Variants in GATA4 observed in about 807,000 individuals in gnomAD.
GATA4 encodes GATA binding protein 4, also known as transcription factor GATA-4.
In GATA4, 7 loss-of-function variants were observed where a neutral mutation model predicts 37.9. The ratio of observed to expected loss-of-function variants is 0.18; its 90% CI spans 0.11 to 0.35. The LOEUF (loss-of-function observed/expected upper bound fraction) is 0.35, where lower values mean the gene tolerates loss of function less well. Among genes scored for constraint, GATA4 ranks in the 10% least tolerant of loss-of-function variants. GATA4 has a pLI of 1.00. For missense variants in GATA4, 647 were observed against 653.0 expected (o/e 0.99, Z 0.10); for synonymous variants, 372 against 292.6 (o/e 1.27, Z -2.77).
intron 1 of GATA4, among the ~76,000 whole-genome samples, chr8:11,682,268 C>T (rs1798996846): frequency 6.6e-6 from 1 of 152,142 alleles, no homozygotes; most frequent in African/African-American, 2.4e-5. Context: ...TTTGTAGCTT[C>T]CACTAACTCT....
intron 1 of GATA4, among the ~76,000 whole-genome samples, chr8:11,686,229 T>TTA (rs397944970): frequency 6.7e-6 from 1 of 149,074 alleles, no homozygotes; most frequent in African/African-American, 2.4e-5. Flanking sequence ...TTTTTTTTTT[T>TTA]AATCTTAATG....
chr8:11,735,492 G>A (rs1231590631), intron 2 of GATA4, among the ~76,000 whole-genome samples: 2 of 152,234 alleles, frequency 1.3e-5, no homozygotes, highest in African/African-American at 2.4e-5. Flanking sequence ...CAGGAAAATT[G>A]TTAGCCACCT....
upstream of GATA4, chr8:11,700,691 G>C (rs1279786349): frequency 1.3e-5 from 2 of 152,276 alleles, no homozygotes; most frequent in African/African-American, 4.8e-5. Context: ...CGTTCTGCGC[G>C]GGTCACCTTG....
intron 2 of GATA4, among the ~76,000 whole-genome samples, chr8:11,723,411 G>T (rs1290622445): frequency 6.6e-6 from 1 of 151,960 alleles, no homozygotes; most frequent in African/African-American, 2.4e-5. Context: ...TATCCTGATT[G>T]ATGTTCAGAT....
intron 2 of GATA4, among the ~76,000 whole-genome samples, chr8:11,746,524 T>C (rs979028450): frequency 6.6e-6 from 1 of 152,212 alleles, no homozygotes; most frequent in African/African-American, 2.4e-5. Context: ...ACCCAGTGTT[T>C]ATTGCGAACA....
intron 5 of GATA4, chr8:11,756,560 C>G (rs1802578488): frequency 2.9e-6 from 1 of 349,542 alleles, no homozygotes; most frequent in Non-Finnish European, 5.5e-6. Flanking sequence ...GTATGATATT[C>G]ACGTGTTTTG....
At chr8:11,686,665 G>T (rs753898236) in intron 1 of GATA4, among the ~76,000 whole-genome samples, 2 of 152,146 alleles carry the variant, frequency 1.3e-5, no homozygotes, top group Admixed American at 6.5e-5. Context: ...ATTCTTGCAG[G>T]GGTGAGTTCC....
At chr8:11,699,546 G>A (rs1201642732), upstream of GATA4, among the ~76,000 whole-genome samples, 1 of 152,238 alleles carries the variant, frequency 6.6e-6, no homozygotes, top group African/African-American at 2.4e-5. Context: ...CAGGTCCTTG[G>A]ATGGGGAGGG....
chr8:11,704,972 C>G (rs565639357), intron 1 of GATA4, among the ~76,000 whole-genome samples: 1 of 152,374 alleles, frequency 6.6e-6, no homozygotes, highest in African/African-American at 2.4e-5. Flanking sequence ...CGAGCCCGGA[C>G]CGGAGCCGTG....
chr8:11,689,378 C>T (rs1255485313), upstream of GATA4, among the ~76,000 whole-genome samples: 3 of 152,154 alleles, frequency 2.0e-5, no homozygotes, highest in Non-Finnish European at 2.9e-5. Flanking sequence ...GTGTATATCA[C>T]TGATGATTAC....
chr8:11,756,095 C>G (rs945333980), intron 5 of GATA4, among the ~76,000 whole-genome samples: 2 of 152,128 alleles, frequency 1.3e-5, no homozygotes, highest in African/African-American at 4.8e-5. Context: ...ACATTCCTCA[C>G]TCAGTACTGC....
At chr8:11,688,153 T>G (rs1799199516), upstream of GATA4, among the ~76,000 whole-genome samples, 1 of 152,186 alleles carries the variant, frequency 6.6e-6, no homozygotes, top group South Asian at 2.1e-4. Flanking sequence ...AGTTATAAAG[T>G]GAAGCAAATA....
At chr8:11,695,239 C>G (rs1191578329) in intron 1 of GATA4, among the ~76,000 whole-genome samples, 2 of 152,200 alleles carry the variant, frequency 1.3e-5, no homozygotes, top group African/African-American at 4.8e-5. Flanking sequence ...AACCCCGTCT[C>G]TATTAAAAAT....
upstream of GATA4, among the ~76,000 whole-genome samples, chr8:11,688,737 T>A (rs1799221306): frequency 6.6e-6 from 1 of 152,172 alleles, no homozygotes; most frequent in South Asian, 2.1e-4. Flanking sequence ...CAGTGACATA[T>A]CTTTCTCATG....
At chr8:11,755,359 C>G (rs1802504137) in intron 5 of GATA4, among the ~76,000 whole-genome samples, 2 of 152,212 alleles carry the variant, frequency 1.3e-5, no homozygotes, top group South Asian at 4.1e-4. Flanking sequence ...AAGCTGGGGC[C>G]TGATCATTGC....
intron 2 of GATA4, among the ~76,000 whole-genome samples, chr8:11,737,037 A>C (rs978420529): frequency 1.3e-5 from 2 of 151,962 alleles, no homozygotes; most frequent in Non-Finnish European, 2.9e-5. Flanking sequence ...TCCATATTTC[A>C]TGCAAAAAGC....
intron 2 of GATA4, among the ~76,000 whole-genome samples, chr8:11,732,397 A>G (rs548515227): frequency 7.9e-5 from 12 of 152,332 alleles, no homozygotes; most frequent in Middle Eastern, 6.8e-3. Context: ...TGGGGCCCCT[A>G]TTGCAGAGAA....
intron 2 of GATA4, among the ~76,000 whole-genome samples, chr8:11,727,025 C>A (rs565006078): frequency 1.3e-5 from 2 of 151,584 alleles, no homozygotes; most frequent in Middle Eastern, 3.4e-3. Flanking sequence ...CCTGGAGAGC[C>A]CCTTGAGGCA....
At chr8:11,686,955 G>A (rs1056786444) in intron 1 of GATA4, among the ~76,000 whole-genome samples, 2 of 150,488 alleles carry the variant, frequency 1.3e-5, no homozygotes, top group Admixed American at 6.6e-5. Flanking sequence ...GCGAGATTGC[G>A]CCATTGCACT....
Sources: allele counts gnomAD v4.1 joint callset (sites outside exome capture counted in the v4.1 genomes callset), GRCh38; gene constraint gnomAD v4.1.1; transcripts MANE v1.5; gene names NCBI Gene and HGNC (gene_info 2026-07-23, HGNC 2026-07-21).